Variants in CACHD1 observed in about 807,000 individuals in gnomAD.
CACHD1 encodes the protein cache domain containing 1, also known as VWFA and cache domain-containing protein 1.
CACHD1 carries 71 observed loss-of-function variants against 138.7 expected under a neutral mutation model. That is an observed-to-expected ratio of 0.51 (90% CI 0.42 to 0.62). The LOEUF (loss-of-function observed/expected upper bound fraction) is 0.62. CACHD1 is among the 20% of genes least tolerant of loss of function. CACHD1 has a pLI of 0.00. For missense variants in CACHD1, 1,389 were observed against 1,625.3 expected, an observed-to-expected ratio of 0.85 and a Z score of 2.50; for synonymous variants, 578 against 591.5, an observed-to-expected ratio of 0.98 and a Z score of 0.33.
chr1:64,473,784 G>A (rs1051129781), intron 1 of CACHD1, among the ~76,000 whole-genome samples: 10 of 152,084 alleles, frequency 6.6e-5, no homozygotes, highest in Non-Finnish European at 1.2e-4. Context: ...TGAAATTCTC[G>A]AAAGACGATT....
intron 4 of CACHD1, among the ~76,000 whole-genome samples, chr1:64,626,174 A>G (rs1248778277): frequency 1.3e-5 from 2 of 152,240 alleles, no homozygotes; most frequent in African/African-American, 4.8e-5. Flanking sequence ...CAATGTCTTT[A>G]TCTTTGCCTC....
chr1:64,616,294 A>G (rs762334306), intron 4 of CACHD1, among the ~76,000 whole-genome samples: 2 of 152,184 alleles, frequency 1.3e-5, no homozygotes, highest in Non-Finnish European at 2.9e-5. Flanking sequence ...AGCTTCTCTC[A>G]AGTGACAAGC....
intron 1 of CACHD1, among the ~76,000 whole-genome samples, chr1:64,540,217 A>G (rs1646666304): frequency 6.6e-6 from 1 of 152,196 alleles, no homozygotes; most frequent in African/African-American, 2.4e-5. Context: ...GAAGGCTTAT[A>G]TAAAGCACCA....
intron 2 of CACHD1, among the ~76,000 whole-genome samples, chr1:64,551,202 C>G (rs1646756382): frequency 6.6e-6 from 1 of 151,440 alleles, no homozygotes; most frequent in Non-Finnish European, 1.5e-5. Flanking sequence ...TTCTTTTGTT[C>G]TTTTCTTTTT....
At chr1:64,588,897 G>C (rs923876967) in intron 3 of CACHD1, among the ~76,000 whole-genome samples, 11 of 152,262 alleles carry the variant, frequency 7.2e-5, no homozygotes, top group African/African-American at 2.6e-4. Context: ...GTGGGGTTCA[G>C]TGCTGTTATC....
chr1:64,658,055 G>A (rs1326475457), intron 12 of CACHD1, among the ~76,000 whole-genome samples: 2 of 152,206 alleles, frequency 1.3e-5, no homozygotes. Flanking sequence ...TAATAAGTTA[G>A]ACTTAAGCTA....
intron 1 of CACHD1, among the ~76,000 whole-genome samples, chr1:64,536,549 A>T (rs1017968863): frequency 6.6e-5 from 10 of 152,216 alleles, no homozygotes; most frequent in Non-Finnish European, 1.2e-4. Flanking sequence ...TGAAAATTAC[A>T]TGACGAATTA....
At chr1:64,617,789 G>A (rs968151874) in intron 4 of CACHD1, among the ~76,000 whole-genome samples, 2 of 152,184 alleles carry the variant, frequency 1.3e-5, no homozygotes, top group Non-Finnish European at 2.9e-5. Context: ...TTAGAAAGTG[G>A]TAATAATGGC....
chr1:64,524,662 A>G (rs145648024), intron 1 of CACHD1, among the ~76,000 whole-genome samples: 50 of 152,342 alleles, frequency 3.3e-4, no homozygotes, highest in African/African-American at 1.1e-3. Context: ...GTTCTAGAAA[A>G]GGATGGTTCC....
At chr1:64,514,402 A>G (rs932912853) in intron 1 of CACHD1, among the ~76,000 whole-genome samples, 21 of 152,336 alleles carry the variant, frequency 1.4e-4, no homozygotes, top group African/African-American at 4.3e-4. Flanking sequence ...CCATATGGCT[A>G]TCTAGTTAAA....
chr1:64,685,494 G>A (rs1440153785), intron 26 of CACHD1, among the ~76,000 whole-genome samples: 2 of 152,168 alleles, frequency 1.3e-5, no homozygotes, highest in Non-Finnish European at 2.9e-5. Flanking sequence ...ACAGCTTGGT[G>A]TAGAGGAAGA....
intron 1 of CACHD1, among the ~76,000 whole-genome samples, chr1:64,487,560 C>T (rs1428529154): frequency 1.3e-5 from 2 of 152,100 alleles, no homozygotes; most frequent in African/African-American, 4.8e-5. Context: ...GTTACCATTC[C>T]ACTGGCAGTA....
chr1:64,691,528 C>T lies in CACHD1; in HGVS notation c.3792C>T (p.Ala1264=), dbSNP rs144037347. The T allele has an allele frequency of 5.5e-5, 88 of 1,614,030 alleles. No individual in the cohort carries two copies. The highest frequency in any genetic ancestry group is 2.7e-4 in the African/African-American group (20 of 75,012). The part of the protein sequence containing the change: ...TLHHSHHLQA[A]VTVHTVDAEC ...ATCATAGCCACCACTTACAGGCGGC[C>T]GTCACGGTACACACTGTCGATGCAG... is the stretch of plus-strand genomic sequence containing the variant. The change falls in exon 27 of 27, where the codon GCC becomes GCT. Residue 1264 remains alanine (A), a synonymous_variant. Transcript: ENST00000651257.
At chr1:64,621,320 ATAG>A (rs200796077) in intron 4 of CACHD1, among the ~76,000 whole-genome samples, 3,273 of 152,092 alleles carry the variant, frequency 0.022, 52 homozygotes, top group Non-Finnish European at 0.03. Context: ...TGGGCCATTG[ATAG>A]TAGTCTCATA....
intron 14 of CACHD1, 127 bp from the exon 15 acceptor site, chr1:64,664,371 G>C (rs957443243): frequency 1.3e-5 from 11 of 870,592 alleles, no homozygotes; most frequent in Admixed American, 1.1e-4. Flanking sequence ...ATCTGCTGTG[G>C]AAAGATTTTT....
At position 64,676,857 on chromosome 1, in the gene CACHD1, G is replaced by A. The variant is rs753308655; in HGVS notation, c.2976-38G>A. The stretch of plus-strand genomic sequence containing the variant: ...AGGAGCATGAGTTTGGAATGTGGGC[G>A]GTGGTCGTCTTAACCTCCAGACTTA... On this transcript the variant is annotated intron_variant, in intron 21 of 26. Coordinates refer to ENST00000651257, the MANE Select transcript of CACHD1 (RefSeq NM_020925.4). 1.1e-5 allele frequency: 17 copies of A among 1,519,442 alleles called. No homozygotes were observed. The Admixed American group carries it at 1.4e-4, about 12-fold the overall frequency. 94.1% of individuals were successfully genotyped at this position (1,519,442 alleles called of 1,614,324 possible).
At chr1:64,640,119 T>G (rs559376046) in intron 7 of CACHD1, among the ~76,000 whole-genome samples, 1 of 152,196 alleles carries the variant, frequency 6.6e-6, no homozygotes, top group Non-Finnish European at 1.5e-5. Context: ...AGTCTTTGTC[T>G]TGATGTCCCA....
intron 8 of CACHD1, among the ~76,000 whole-genome samples, chr1:64,645,394 T>A (rs1648870000): frequency 6.6e-6 from 1 of 152,192 alleles, no homozygotes; most frequent in East Asian, 1.9e-4. Context: ...TCGATTACTC[T>A]GCTGTGATTA....
At chr1:64,601,975 C>A (rs1390207273) in intron 3 of CACHD1, among the ~76,000 whole-genome samples, 1 of 152,202 alleles carries the variant, frequency 6.6e-6, no homozygotes, top group Non-Finnish European at 1.5e-5. Flanking sequence ...TAAAAATACT[C>A]TTTATGACTA....
Sources: gnomAD v4.1 joint callset for allele counts (sites outside exome capture counted in the v4.1 genomes callset) on GRCh38, gnomAD v4.1.1 for gene constraint, MANE v1.5 for transcripts, NCBI Gene and HGNC (gene_info 2026-07-23, HGNC 2026-07-21) for gene names.